ANO2: variants seen among roughly 807,000 people sequenced by gnomAD.
ANO2 encodes anoctamin-2.
In ANO2, 101 loss-of-function variants were observed where a neutral mutation model predicts 124.2. The observed-to-expected ratio is 0.81, with a 90% CI of 0.69 to 0.96. The LOEUF (loss-of-function observed/expected upper bound fraction) is 0.96, where lower values mean the gene tolerates loss of function less well. Ranked by LOEUF, ANO2 falls within the 40% of genes least tolerant of loss-of-function variation. The probability of loss-of-function intolerance (pLI) is 0.00; values close to 1 mark genes in which losing one functional copy is unlikely to be tolerated. For missense variants in ANO2, 1,293 were observed against 1,274.5 expected (o/e 1.01, Z -0.22); for synonymous variants, 486 against 482.5 (o/e 1.01, Z -0.09).
chr12:5,930,484 T>C (rs765952348), intron 1 of ANO2, among the ~76,000 whole-genome samples: 29 of 152,150 alleles, frequency 1.9e-4, no homozygotes, highest in Non-Finnish European at 2.9e-4. Flanking sequence ...AAAGACCCTG[T>C]ATGTCATATA....
chr12:5,661,842 T>G (rs251783), intron 14 of ANO2, among the ~76,000 whole-genome samples: 60,319 of 152,184 alleles, frequency 0.4, 13,166 homozygotes, highest in African/African-American at 0.56. Flanking sequence ...TCCCTCGCTG[T>G]TTTTGCTCCA....
chr12:5,701,323 T>C (rs1379181470), intron 14 of ANO2, among the ~76,000 whole-genome samples: 2 of 152,196 alleles, frequency 1.3e-5, no homozygotes, highest in Non-Finnish European at 2.9e-5. Flanking sequence ...CTTTGACTTA[T>C]TTCTATTTTT....
At chr12:5,777,535 TC>T (rs1342434472) in intron 10 of ANO2, among the ~76,000 whole-genome samples, 2 of 152,076 alleles carry the variant, frequency 1.3e-5, no homozygotes, top group Non-Finnish European at 2.9e-5. Context: ...TCCTGAGACA[TC>T]CAAAGGCTCT....
At position 5,787,722 on chromosome 12, in the gene ANO2, A is replaced by C. The variant is rs1952578963; in HGVS notation, c.1055+11785T>G. Reference sequence around the variant, plus strand: ...TTTGACCCATCCAGCAAATCATACTAGTTTAAATGTCGCTTCCTCAGGGAG... The same window carrying C: ...TTTGACCCATCCAGCAAATCATACTCGTTTAAATGTCGCTTCCTCAGGGAG... On this transcript the variant is annotated intron_variant, in intron 10 of 24. Transcript: ENST00000682330. The surrounding 1 kb of genome is among the most constrained non-coding windows in gnomAD (Gnocchi z 4.2). Among the ~76,000 whole-genome samples the C allele has an allele frequency of 6.6e-6, 1 of 152,110 alleles. No individual in the cohort carries two copies. Among genetic ancestry groups the C allele is most frequent in the African/African-American group, 2.4e-5 (1 of 41,392 alleles).
chr12:5,666,778 C>G (rs565565513), intron 14 of ANO2, among the ~76,000 whole-genome samples: 2 of 150,034 alleles, frequency 1.3e-5, no homozygotes, highest in Non-Finnish European at 3.0e-5. Flanking sequence ...CCCCCACCCA[C>G]CCCAGCTTCT....
intron 10 of ANO2, among the ~76,000 whole-genome samples, chr12:5,782,499 C>A (rs530490330): frequency 6.6e-6 from 1 of 152,274 alleles, no homozygotes; most frequent in East Asian, 1.9e-4. Flanking sequence ...TTGTTCAGAG[C>A]CACTGTAGAA....
intron 10 of ANO2, among the ~76,000 whole-genome samples, chr12:5,784,404 G>A (rs945838987): frequency 2.0e-5 from 3 of 152,166 alleles, no homozygotes; most frequent in African/African-American, 7.2e-5. Flanking sequence ...TGTTAGCACC[G>A]TCTGAGCTGG....
At position 5,862,311 on chromosome 12, in the gene ANO2, GC is replaced by G. The variant is rs1955294130; in HGVS notation, c.535-8171del. 6.6e-6 allele frequency among the ~76,000 whole-genome samples: 1 copy of G among 152,114 alleles called. No homozygotes were observed. The highest frequency in any genetic ancestry group is 2.1e-4 in the South Asian group (1 of 4,822). On this transcript the variant is annotated intron_variant, in intron 3 of 24. Transcript: ENST00000682330. The surrounding 1 kb of genome is among the most constrained non-coding windows in gnomAD (Gnocchi z 4.0). ...CCATCCCAGAGACCCACTAAGACCAGCAGCAAGACCCTTCCTTCTTATGGAA... is the reference window on the plus strand; with the variant it reads ...CCATCCCAGAGACCCACTAAGACCAGAGCAAGACCCTTCCTTCTTATGGAA...
chr12:5,909,232 C>G lies in ANO2; in HGVS notation c.534+11808G>C, dbSNP rs530491391. 7.9e-5 allele frequency among the ~76,000 whole-genome samples: 12 copies of G among 152,324 alleles called. 1 individual carries two copies. Among genetic ancestry groups the G allele is most frequent in the African/African-American group, 2.2e-4 (9 of 41,562 alleles). ...CCACATGCTCCCATTAATATTCTCT[C>G]ACTTCTCACCCACTCCTTTTGCCCT... On this transcript the variant is annotated intron_variant, in intron 3 of 24. Transcript: ENST00000682330.
intron 10 of ANO2, among the ~76,000 whole-genome samples, chr12:5,795,407 C>T (rs1952816737): frequency 6.6e-6 from 1 of 152,210 alleles, no homozygotes; most frequent in Admixed American, 6.5e-5. Flanking sequence ...GAAGTGAGCA[C>T]CCCAGGAACA....
intron 3 of ANO2, among the ~76,000 whole-genome samples, chr12:5,859,299 A>C (rs1483331317): frequency 1.3e-5 from 2 of 152,242 alleles, no homozygotes; most frequent in Admixed American, 1.3e-4. Context: ...TAATTTTTCC[A>C]GGGACAAGCA....
intron 6 of ANO2, among the ~76,000 whole-genome samples, chr12:5,828,198 G>A (rs1954044218): frequency 6.6e-6 from 1 of 152,192 alleles, no homozygotes; most frequent in Non-Finnish European, 1.5e-5. Flanking sequence ...CACAGTGTCT[G>A]CCGCCCACGT....
At chr12:5,632,735 T>G (rs921714280) in intron 16 of ANO2, among the ~76,000 whole-genome samples, 1 of 152,178 alleles carries the variant, frequency 6.6e-6, no homozygotes, top group Non-Finnish European at 1.5e-5. Flanking sequence ...GAGTTTTCTA[T>G]TGTTGCCAAC....
chr12:5,894,406 T>C (rs1048219236), intron 3 of ANO2, among the ~76,000 whole-genome samples: 1 of 152,218 alleles, frequency 6.6e-6, no homozygotes, highest in Admixed American at 6.5e-5. Context: ...GTCAGATGGA[T>C]AGGTTTCAAA....
rs553890178 is a variant in ANO2, at chr12:5,658,497, G to T, written c.1546-10696C>A. Among the ~76,000 whole-genome samples the T allele has an allele frequency of 6.6e-6, 1 of 150,976 alleles. No individual in the cohort carries two copies. Among genetic ancestry groups the T allele is most frequent in the Non-Finnish European group, 1.5e-5 (1 of 67,850 alleles). ...TATCATCATCATCATCAATATCATC[G>T]TATCAAAATCAATATAATCATCAAC... is the stretch of plus-strand genomic sequence containing the variant. On this transcript the variant is annotated intron_variant, in intron 14 of 24. Coordinates refer to ENST00000682330, the MANE Select transcript of ANO2 (RefSeq NM_001364791.2). The surrounding 1 kb of genome is among the most constrained non-coding windows in gnomAD (Gnocchi z 4.3).
Position 5,606,030 on chromosome 12 carries a change from A to C in ANO2, c.2088-6401T>G, listed in dbSNP as rs537762653. 4.6e-5 allele frequency among the ~76,000 whole-genome samples: 7 copies of C among 152,296 alleles called. 1 individual carries two copies. The highest frequency in any genetic ancestry group is 1.7e-4 in the African/African-American group (7 of 41,548). ...TTTATCTATTATCATGGCATTAGTC[A>C]CAGAGCTGCCTTTCAAGTGCTCGGT... On this transcript the variant is annotated intron_variant, in intron 19 of 24. Transcript: ENST00000682330.
chr12:5,945,405 C>G (rs570474341), upstream of ANO2: 3 of 491,104 alleles, frequency 6.1e-6, no homozygotes, highest in East Asian at 3.0e-4. Flanking sequence ...CTCCCCGCTG[C>G]GCCCTGGGCG....
chr12:5,628,198 T>C (rs2136927707), intron 16 of ANO2, among the ~76,000 whole-genome samples: 1 of 152,332 alleles, frequency 6.6e-6, no homozygotes, highest in East Asian at 1.9e-4. Flanking sequence ...CCCCAAAGCC[T>C]GTGGAGCTCC....
chr12:5,874,519 T>C (rs1036678569), intron 3 of ANO2, among the ~76,000 whole-genome samples: 8 of 152,212 alleles, frequency 5.3e-5, no homozygotes, highest in Admixed American at 1.3e-4. Context: ...AGCCTCTCTG[T>C]TGTCACAGCC....
Sources: gnomAD v4.1 joint callset for allele counts (sites outside exome capture counted in the v4.1 genomes callset) on GRCh38, gnomAD v4.1.1 for gene constraint, Gnocchi (gnomAD v3.1) non-coding constraint, MANE v1.5 for transcripts, NCBI Gene and HGNC (gene_info 2026-07-23, HGNC 2026-07-21) for gene names.